Variants in DCLK1 observed in about 807,000 individuals in gnomAD.
DCLK1 encodes the protein serine/threonine-protein kinase DCLK1.
A neutral mutation model predicts 86.2 loss-of-function variants in DCLK1; 16 were observed. The ratio of observed to expected loss-of-function variants is 0.19; its 90% CI spans 0.13 to 0.28. DCLK1 has a LOEUF of 0.28. DCLK1 is among the 10% of genes least tolerant of loss of function. The probability of loss-of-function intolerance (pLI) is 1.00; values close to 1 mark genes in which losing one functional copy is unlikely to be tolerated. For synonymous variants in DCLK1, 369 were observed against 370.5 expected (o/e 1.00, Z 0.05); for missense variants, 590 against 940.2 (o/e 0.63, Z 4.87).
At chr13:36,046,197 A>T (rs1462878018) in intron 3 of DCLK1, among the ~76,000 whole-genome samples, 1 of 152,132 alleles carries the variant, frequency 6.6e-6, no homozygotes, top group African/African-American at 2.4e-5. Context: ...GCAAACATAC[A>T]CTCTACTGTG....
In DCLK1 at chr13:35,868,534, A is replaced by G. The variant is rs114202751; in HGVS notation, c.940+2690T>C. ...GATAGGAAAGGTTAAGTAAAATTTA[A>G]GTCAAAGTTGGTTTGGATGGAGAAC... is the stretch of plus-strand genomic sequence containing the variant. On this transcript the variant is annotated intron_variant, in intron 5 of 16. Coordinates refer to ENST00000360631, the MANE Select transcript of DCLK1 (RefSeq NM_001330071.2). Among the ~76,000 whole-genome samples, 257 of 152,322 alleles carry G rather than the reference A, an allele frequency of 1.7e-3. 1 individual carries two copies. The highest frequency in any genetic ancestry group is 6.0e-3 in the African/African-American group (248 of 41,572).
At chr13:35,958,832 T>C (rs1878291760) in intron 3 of DCLK1, among the ~76,000 whole-genome samples, 1 of 152,236 alleles carries the variant, frequency 6.6e-6, no homozygotes, top group Admixed American at 6.5e-5. Context: ...TCCAAAATAT[T>C]GGAGAAAGAT....
intron 3 of DCLK1, among the ~76,000 whole-genome samples, chr13:36,060,385 A>G (rs1883496646): frequency 6.6e-6 from 1 of 152,184 alleles, no homozygotes; most frequent in Admixed American, 6.5e-5. Flanking sequence ...TCTCAGTGGT[A>G]CAGTGGCCAG....
chr13:36,014,067 C>CGCGCACGGTGCGCGCACCCACTGGCCT (rs1881424762), intron 3 of DCLK1, among the ~76,000 whole-genome samples: 1 of 152,220 alleles, frequency 6.6e-6, no homozygotes, highest in Non-Finnish European at 1.5e-5. Context: ...TGCTTCGGCT[C>CGCGCACGGTGCGCGCACCCACTGGCCT]GCGCACGGTG....
chr13:35,999,852 C>G (rs951905137), intron 3 of DCLK1, among the ~76,000 whole-genome samples: 6 of 152,116 alleles, frequency 3.9e-5, no homozygotes, highest in Admixed American at 3.3e-4. Context: ...AGAGCTAATC[C>G]TAGACTGTTG....
chr13:35,842,333 G>GT (rs1285592874), intron 6 of DCLK1, among the ~76,000 whole-genome samples: 1 of 148,732 alleles, frequency 6.7e-6, no homozygotes, highest in Non-Finnish European at 1.5e-5. Context: ...GATTTCTAGA[G>GT]TTGCCCAGTA....
intron 4 of DCLK1, among the ~76,000 whole-genome samples, chr13:35,878,793 AT>A (rs5802788): frequency 0.46 from 67,942 of 149,240 alleles, 15,852 homozygotes; most frequent in South Asian, 0.6. Context: ...TAAAAATTAC[AT>A]TTTTTTTTTT....
At chr13:35,982,429 A>AGG (rs1879696081) in intron 3 of DCLK1, among the ~76,000 whole-genome samples, 9 of 32,226 alleles carry the variant, frequency 2.8e-4, no homozygotes, top group African/African-American at 9.3e-4. Flanking sequence ...AGAGAGAGAG[A>AGG]GAGGGGGAGG....
chr13:35,784,668 A>G (rs1008175712), intron 16 of DCLK1, among the ~76,000 whole-genome samples: 1 of 152,030 alleles, frequency 6.6e-6, no homozygotes, highest in African/African-American at 2.4e-5. Context: ...GAATCCCCCA[A>G]ATTCTGTGTT....
At chr13:35,960,781 A>C (rs9565712) in intron 3 of DCLK1, among the ~76,000 whole-genome samples, 37,231 of 152,136 alleles carry the variant, frequency 0.24, 5,015 homozygotes, top group East Asian at 0.45. Context: ...GCTTTCCACA[A>C]ATAATTTCTA....
chr13:36,008,303 A>G (rs1348587517), intron 3 of DCLK1, among the ~76,000 whole-genome samples: 1 of 114,520 alleles, frequency 8.7e-6, no homozygotes, highest in African/African-American at 3.5e-5. Flanking sequence ...TACATGTGCC[A>G]TGCTGGTGCG....
chr13:36,005,414 T>C (rs1880905332), intron 3 of DCLK1, among the ~76,000 whole-genome samples: 1 of 152,226 alleles, frequency 6.6e-6, no homozygotes, highest in Non-Finnish European at 1.5e-5. Context: ...AACAATGTGA[T>C]GATCACATAT....
At chr13:35,902,345 C>T (rs970791793) in intron 4 of DCLK1, among the ~76,000 whole-genome samples, 1 of 152,206 alleles carries the variant, frequency 6.6e-6, no homozygotes, top group African/African-American at 2.4e-5. Context: ...ACAGACATTG[C>T]TAATCGATTT....
intron 3 of DCLK1, among the ~76,000 whole-genome samples, chr13:36,098,597 T>C (rs1215621618): frequency 1.3e-5 from 2 of 152,212 alleles, no homozygotes; most frequent in African/African-American, 4.8e-5. Context: ...AAAACACAGT[T>C]GCCAATCCTC....
intron 4 of DCLK1, among the ~76,000 whole-genome samples, chr13:35,944,375 C>T (rs1877250278): frequency 6.6e-6 from 1 of 152,198 alleles, no homozygotes; most frequent in Non-Finnish European, 1.5e-5. Flanking sequence ...GTACCCACCG[C>T]TGACACCCCT....
intron 5 of DCLK1, among the ~76,000 whole-genome samples, chr13:35,869,902 C>A (rs1248813841): frequency 6.6e-6 from 1 of 152,158 alleles, no homozygotes; most frequent in East Asian, 1.9e-4. Flanking sequence ...AGGTTTAGGT[C>A]CTTAGTCAGA....
intron 3 of DCLK1, among the ~76,000 whole-genome samples, chr13:36,033,207 A>G (rs1256485476): frequency 6.6e-6 from 1 of 152,198 alleles, no homozygotes; most frequent in Non-Finnish European, 1.5e-5. Context: ...GTTTGAAATA[A>G]TGTCCTACTA....
At chr13:35,786,929 T>C (rs949858891) in intron 16 of DCLK1, among the ~76,000 whole-genome samples, 1 of 152,160 alleles carries the variant, frequency 6.6e-6, no homozygotes, top group Non-Finnish European at 1.5e-5. Flanking sequence ...GGTGTTTTCT[T>C]GCTTTAAACA....
chr13:36,039,500 A>C (rs575250075), intron 3 of DCLK1, among the ~76,000 whole-genome samples: 1 of 152,234 alleles, frequency 6.6e-6, no homozygotes, highest in South Asian at 2.1e-4. Context: ...TTTCAGCACC[A>C]CTTTCTTCTA....
Sources: allele counts gnomAD v4.1 joint callset (sites outside exome capture counted in the v4.1 genomes callset), GRCh38; gene constraint gnomAD v4.1.1; transcripts MANE v1.5; gene names NCBI Gene and HGNC (gene_info 2026-07-23, HGNC 2026-07-21).